The following JAZF1 variants were observed in gnomAD, a reference collection of about 807,000 sequenced individuals.
JAZF1 encodes the protein juxtaposed with another zinc finger protein 1.
A neutral mutation model predicts 26.4 loss-of-function variants in JAZF1; 8 were observed. The ratio of observed to expected loss-of-function variants is 0.30; its 90% CI spans 0.18 to 0.55. The LOEUF (loss-of-function observed/expected upper bound fraction) is 0.55, where lower values mean the gene tolerates loss of function less well. Among genes scored for constraint, JAZF1 ranks in the 20% least tolerant of loss-of-function variants. JAZF1 has a pLI of 0.94. For synonymous variants in JAZF1, 126 were observed against 122.3 expected (o/e 1.03, Z -0.20); for missense variants, 199 against 322.0 (o/e 0.62, Z 2.92).
At chr7:27,907,227 T>C (rs1784274420) in intron 2 of JAZF1, among the ~76,000 whole-genome samples, 2 of 152,164 alleles carry the variant, frequency 1.3e-5, no homozygotes, top group Admixed American at 6.5e-5. Context: ...ACAGAGGTAA[T>C]CCTAACACCT....
chr7:28,045,679 C>T lies in JAZF1; in HGVS notation c.116-53698G>A, dbSNP rs146369219. ...ATAGCCTTGAACTCCTGGGCTCAAGCGATCTGCCTACCTCAGACTCCCAAG... is the reference window on the plus strand; with the variant it reads ...ATAGCCTTGAACTCCTGGGCTCAAGTGATCTGCCTACCTCAGACTCCCAAG... On this transcript the variant is annotated intron_variant, in intron 1 of 4. Coordinates refer to ENST00000283928, the MANE Select transcript of JAZF1 (RefSeq NM_175061.4). 2.2e-3 allele frequency among the ~76,000 whole-genome samples: 335 copies of T among 152,218 alleles called. 2 individuals are homozygous for T. The East Asian group carries it at 0.023, about 11-fold the overall frequency.
At chr7:27,932,795 G>A (rs75723604) in intron 2 of JAZF1, among the ~76,000 whole-genome samples, 3 of 152,226 alleles carry the variant, frequency 2.0e-5, no homozygotes, top group South Asian at 2.1e-4. Context: ...AACTATTTAC[G>A]TGTGTGGTGA....
chr7:28,076,709 CAAAA>C lies in JAZF1; in HGVS notation c.116-84732_116-84729del, dbSNP rs34918786. ...ACACAATTGCTGTCTTTCTCTCTCTCAAAAAAAAAAAAAAAAAAAAATCCCGTGT... is the reference window on the plus strand; with the variant it reads ...ACACAATTGCTGTCTTTCTCTCTCTCAAAAAAAAAAAAAAAAATCCCGTGT... On this transcript the variant is annotated intron_variant, in intron 1 of 4. Transcript: ENST00000283928. Among the ~76,000 whole-genome samples, 798 of 97,430 alleles carry C rather than the reference CAAAA, an allele frequency of 8.2e-3. 2 individuals carry two copies. Among genetic ancestry groups the C allele is most frequent in the Middle Eastern group, 0.037 (6 of 160 alleles). 63.9% of individuals were successfully genotyped at this position (97,430 alleles called of 152,430 possible). A position where few individuals can be genotyped will look rare whatever the true frequency, so the allele number is the denominator to read the frequency against.
At chr7:27,912,685 CT>C (rs1426048312) in intron 2 of JAZF1, among the ~76,000 whole-genome samples, 3 of 152,140 alleles carry the variant, frequency 2.0e-5, no homozygotes, top group African/African-American at 7.2e-5. Flanking sequence ...ACATTTCCAA[CT>C]TTTTCCCCCC....
intron 1 of JAZF1, among the ~76,000 whole-genome samples, chr7:28,029,588 T>C (rs990008564): frequency 6.6e-6 from 1 of 152,240 alleles, no homozygotes; most frequent in African/African-American, 2.4e-5. Flanking sequence ...AAAGGCTACA[T>C]GGGAAAATCT....
intron 1 of JAZF1, among the ~76,000 whole-genome samples, chr7:28,131,612 T>C (rs1376691066): frequency 6.6e-6 from 1 of 152,242 alleles, no homozygotes; most frequent in Non-Finnish European, 1.5e-5. Context: ...GACTAAGCTC[T>C]GTTCAACATT....
chr7:27,895,362 C>A lies in JAZF1; in HGVS notation c.243G>T (p.Gln81His). Reference protein sequence around the residue: ...REQESLKKKIQPKLSLTLSSS... With the variant: ...REQESLKKKIHPKLSLTLSSS... ...TGGACAGAGTCAGCGAGAGCTTCGG[C>A]TGAATCTTCTTCTTTAGGGACTCCT... is the stretch of plus-strand genomic sequence containing the variant. Residue 81 changes from glutamine (Q) to histidine (H), a missense_variant, in exon 3 of 5, where the codon CAG becomes CAT. Coordinates refer to ENST00000283928, the MANE Select transcript of JAZF1 (RefSeq NM_175061.4). 1 of 1,608,514 alleles carries A rather than the reference C, an allele frequency of 6.2e-7. No homozygotes were observed. The highest frequency in any genetic ancestry group is 8.5e-7 in the Non-Finnish European group (1 of 1,177,574).
At chr7:27,987,145 C>T (rs376641805) in intron 2 of JAZF1, among the ~76,000 whole-genome samples, 27,295 of 151,344 alleles carry the variant, frequency 0.18, 2,587 homozygotes, top group South Asian at 0.25. Flanking sequence ...GCCCCTCTGC[C>T]TGGCCGCCCA....
At chr7:27,979,000 C>T (rs1046598674) in intron 2 of JAZF1, among the ~76,000 whole-genome samples, 14 of 151,886 alleles carry the variant, frequency 9.2e-5, no homozygotes, top group African/African-American at 3.1e-4. Flanking sequence ...TTCTATGAAA[C>T]AGATTTTAGA....
intron 1 of JAZF1, among the ~76,000 whole-genome samples, chr7:28,120,319 T>G (rs1445007363): frequency 6.6e-6 from 1 of 151,910 alleles, no homozygotes; most frequent in African/African-American, 2.4e-5. Flanking sequence ...AGGAAACTTC[T>G]GACCCTTGTT....
In JAZF1 at chr7:28,018,253, G is replaced by A. The variant is rs1030021288; in HGVS notation, c.116-26272C>T. On this transcript the variant is annotated intron_variant, in intron 1 of 4. Transcript: ENST00000283928. The stretch of plus-strand genomic sequence containing the variant: ...TCGGCCAGGGCACAGGCCTGGAGGC[G>A]GAAATGTGCTGGGTGCATGGTCACA... 1.1e-4 allele frequency among the ~76,000 whole-genome samples: 17 copies of A among 152,314 alleles called. No individual in the cohort carries two copies. In the South Asian group the frequency reaches 1.9e-3, roughly 17 times the overall value.
chr7:27,968,705 C>T (rs6462062), intron 2 of JAZF1, among the ~76,000 whole-genome samples: 143,756 of 152,290 alleles, frequency 0.94, 67,968 homozygotes, highest in East Asian at 1. Flanking sequence ...AAAATATTCC[C>T]GCTGTCTAGC....
intron 1 of JAZF1, among the ~76,000 whole-genome samples, chr7:28,029,240 A>G (rs1783145442): frequency 6.6e-6 from 1 of 152,168 alleles, no homozygotes; most frequent in African/African-American, 2.4e-5. Flanking sequence ...AAAACCAACA[A>G]TTCACTTTTA....
At chr7:28,177,979 T>C (rs1199574293) in intron 1 of JAZF1, among the ~76,000 whole-genome samples, 2 of 152,256 alleles carry the variant, frequency 1.3e-5, no homozygotes, top group African/African-American at 4.8e-5. Context: ...TTGAGCCTCT[T>C]CATCCTGGGA....
At chr7:28,167,049 T>C (rs76491048) in intron 1 of JAZF1, among the ~76,000 whole-genome samples, 15,967 of 152,254 alleles carry the variant, frequency 0.1, 1,133 homozygotes, top group Non-Finnish European at 0.15. Context: ...ATCAGTGTTA[T>C]AACATGTGTG....
At chr7:27,930,217 A>G (rs373103129) in intron 2 of JAZF1, among the ~76,000 whole-genome samples, 22 of 152,126 alleles carry the variant, frequency 1.4e-4, no homozygotes, top group East Asian at 1.4e-3. Context: ...GGATGGTCTC[A>G]ATCTCCTGAC....
At chr7:28,088,439 C>A (rs755108969) in intron 1 of JAZF1, among the ~76,000 whole-genome samples, 1 of 152,178 alleles carries the variant, frequency 6.6e-6, no homozygotes. Flanking sequence ...TGAGCCACAA[C>A]TAGGTTGCAG....
rs545050875 is a variant in JAZF1 at position 27,894,745 on chromosome 7, TC to T, written c.385+474del. Among the ~76,000 whole-genome samples, 15 of 152,246 alleles carry T rather than the reference TC, an allele frequency of 9.9e-5. No individual in the cohort carries two copies. The East Asian group carries it at 2.7e-3, about 27-fold the overall frequency. On this transcript the variant is annotated intron_variant, in intron 3 of 4. Coordinates refer to ENST00000283928, the MANE Select transcript of JAZF1 (RefSeq NM_175061.4). Reference sequence around the variant, plus strand: ...AGAAAAAGCTGGAGAAGACAAGGACTCCCCCTTCTTCTCAAGGTGTTGTAAA... The same window carrying T: ...AGAAAAAGCTGGAGAAGACAAGGACTCCCCTTCTTCTCAAGGTGTTGTAAA...
chr7:27,988,103 T>TTTATCTGA (rs1785771592), intron 2 of JAZF1, among the ~76,000 whole-genome samples: 1 of 151,986 alleles, frequency 6.6e-6, no homozygotes, highest in African/African-American at 2.4e-5. Flanking sequence ...TGTTCACATG[T>TTTATCTGA]TTATCTGCTG....
Sources: allele counts gnomAD v4.1 joint callset (sites outside exome capture counted in the v4.1 genomes callset), GRCh38; gene constraint gnomAD v4.1.1; transcripts MANE v1.5; gene names NCBI Gene and HGNC (gene_info 2026-07-23, HGNC 2026-07-21).